SLC5A6: variants seen among roughly 807,000 people sequenced by gnomAD.
SLC5A6 encodes sodium-dependent multivitamin transporter.
SLC5A6 carries 31 observed loss-of-function variants against 67.9 expected under a neutral mutation model. The ratio of observed to expected loss-of-function variants is 0.46; its 90% CI spans 0.34 to 0.62. The LOEUF is 0.62. Among genes scored for constraint, SLC5A6 ranks in the 20% least tolerant of loss-of-function variants. The probability of loss-of-function intolerance (pLI) is 0.01; values close to 1 mark genes in which losing one functional copy is unlikely to be tolerated. For synonymous variants in SLC5A6, 343 were observed against 331.0 expected (o/e 1.04, Z -0.39); for missense variants, 673 against 812.8 (o/e 0.83, Z 2.09).
chr2:27,207,278 G>C lies in SLC5A6; in HGVS notation c.373C>G (p.His125Asp), dbSNP rs1419712776. 9 of 1,613,840 alleles carry C rather than the reference G, an allele frequency of 5.6e-6. No individual in the cohort carries two copies. The highest frequency in any genetic ancestry group is 1.3e-5 in the African/African-American group (1 of 74,934). Reference protein sequence around the residue: ...HIFIPVFYRLHLTSAYEYLEL... With the variant: ...HIFIPVFYRLDLTSAYEYLEL... ...CTCACCTCATAGGCACTGGTGAGAT[G>C]CAGGCGGTAGAAAACGGGGATGAAG... Residue 125 changes from histidine (H) to aspartate (D), a missense_variant, in exon 3 of 17, where the codon CAT (histidine) becomes GAT (aspartate). His to Asp is a moderately conservative substitution (Grantham distance 81). Transcript: ENST00000310574. This position sits in a 1 kb window ranked among gnomAD's most constrained non-coding sequence, Gnocchi z 5.5.
intron 2 of SLC5A6, among the ~76,000 whole-genome samples, chr2:27,210,901 G>A (rs1265473123): frequency 6.6e-6 from 1 of 152,166 alleles, no homozygotes; most frequent in Non-Finnish European, 1.5e-5. Flanking sequence ...GCAGGCGCCT[G>A]TAGTCCCAGC....
intron 3 of SLC5A6, 34 bp from the exon 4 acceptor site, chr2:27,206,976 C>A: frequency 6.5e-7 from 1 of 1,546,496 alleles, no homozygotes; most frequent in Non-Finnish European, 8.9e-7. Context: ...TTTCTCCTGA[C>A]TTCACCCCGA....
chr2:27,208,975 T>G (rs1442356141), intron 2 of SLC5A6, among the ~76,000 whole-genome samples: 1 of 152,256 alleles, frequency 6.6e-6, no homozygotes, highest in South Asian at 2.1e-4. Context: ...TTCTAACTCC[T>G]GCACAAGAAA....
chr2:27,204,686 C>A, intron 8 of SLC5A6, 96 bp from the exon 9 acceptor site: 1 of 1,589,538 alleles, frequency 6.3e-7, no homozygotes, highest in South Asian at 1.1e-5. Context: ...ACATCCTGAC[C>A]ACAGTGGATG....
At chr2:27,206,621 A>C in intron 4 of SLC5A6, 87 bp from the exon 5 acceptor site, 1 of 1,275,592 alleles carries the variant, frequency 7.8e-7, no homozygotes, top group Non-Finnish European at 1.1e-6. Context: ...CAATATGCCC[A>C]TGGCTTCCCC....
chr2:27,212,249 AG>A lies in SLC5A6; in HGVS notation c.-438del. The A allele has an allele frequency of 6.4e-7, 1 of 1,560,788 alleles. No homozygotes were observed. Among genetic ancestry groups the A allele is most frequent in the Non-Finnish European group, 8.7e-7 (1 of 1,153,006 alleles). ...CCACGAGCAGGAAAAGCCCCCAAGC[AG>A]CCCCAGGGCGACTGGACCGGGCCGC... On this transcript the variant is annotated 5_prime_UTR_variant, in exon 1 of 17. Transcript: ENST00000310574.
Position 27,206,043 on chromosome 2 carries a change from T to C in SLC5A6, c.562A>G (p.Thr188Ala). ...LSVLALGIVC[T>A]VYTALGGLKA... is the part of the protein sequence containing the mutation. The stretch of plus-strand genomic sequence containing the variant: ...GCACTTACCAGAGCTGTATAGACGG[T>C]ACAGACAATGCCCAGGGCCAGCACG... Residue 188 changes from threonine to alanine, a missense_variant, in exon 6 of 17, where the codon ACC becomes GCC. Physicochemically the swap from Thr to Ala is moderately conservative, Grantham distance 58. Coordinates refer to ENST00000310574, the MANE Select transcript of SLC5A6 (RefSeq NM_021095.4). 6.2e-7 allele frequency: 1 copy of C among 1,613,998 alleles called. No individual in the cohort carries two copies. Among genetic ancestry groups the C allele is most frequent in the Admixed American group, 1.7e-5 (1 of 60,020 alleles).
rs1361842200 is a variant in SLC5A6 at position 27,206,465 on chromosome 2, G to A, written c.511+18C>T. The A allele has an allele frequency of 1.9e-6, 3 of 1,613,020 alleles. No individual in the cohort carries two copies. Among genetic ancestry groups the A allele is most frequent in the East Asian group, 2.2e-5 (1 of 44,892 alleles). On this transcript the variant is annotated intron_variant, in intron 5 of 16. Transcript: ENST00000310574. The stretch of plus-strand genomic sequence containing the variant: ...TAACCTACCACGGCTGAAAGCCAGG[G>A]GCTGTGTGACTCCTCACCTGCATTG...
chr2:27,204,442 C>G lies in SLC5A6; in HGVS notation c.1005+19G>C. 1 of 1,604,690 alleles carries G rather than the reference C, an allele frequency of 6.2e-7. No homozygotes were observed. The highest frequency in any genetic ancestry group is 8.5e-7 in the Non-Finnish European group (1 of 1,174,626). ...GGGGCCAGGCCTGCCCTCATGGGAA[C>G]AGAACAGCGCCTTCTCACCTGGTCT... On this transcript the variant is annotated intron_variant, in intron 9 of 16. Transcript: ENST00000310574.
At chr2:27,206,576 T>C (rs370159656) in intron 4 of SLC5A6, 42 bp from the exon 5 acceptor site, 165 of 1,586,288 alleles carry the variant, frequency 1.0e-4, no homozygotes, top group Non-Finnish European at 1.3e-4. Context: ...CGGAGAATGG[T>C]GGGAAGAGAG....
Position 27,205,614 on chromosome 2 carries a change from C to CT in SLC5A6, c.580-111dup. On this transcript the variant is annotated intron_variant, in intron 6 of 16. Transcript: ENST00000310574. ...TTGTTTTGTTTTGTTTTGTTTTAGG[C>CT]TTTTTGCAGCCTGAAGCCAGTTTTT... is the stretch of plus-strand genomic sequence containing the variant. 17 of 1,349,080 alleles carry CT rather than the reference C, an allele frequency of 1.3e-5. No homozygotes were observed. The Middle Eastern group carries it at 5.5e-4, about 43-fold the overall frequency. The allele number at this position is 1,349,080 out of a possible 1,614,324, so 83.6% of individuals were successfully genotyped here.
rs563212359 is a variant in SLC5A6, at chr2:27,201,576, C to T, written c.1544+90G>A. The T allele has an allele frequency of 2.6e-5, 37 of 1,403,770 alleles. No individual in the cohort carries two copies. The Admixed American group carries it at 4.7e-4, about 18-fold the overall frequency. 87.0% of individuals were successfully genotyped at this position (1,403,770 alleles called of 1,614,324 possible). ...CCCAATACCCAACATTTCCCTGGGG[C>T]CTCTGGTGGCCCATCCCTTAGCAAG... On this transcript the variant is annotated intron_variant, in intron 14 of 16. Transcript: ENST00000310574.
Position 27,200,378 on chromosome 2 carries a change from G to A in SLC5A6, c.*58C>T, listed in dbSNP as rs1673524142. On this transcript the variant is annotated 3_prime_UTR_variant, in exon 17 of 17. Coordinates refer to ENST00000310574, the MANE Select transcript of SLC5A6 (RefSeq NM_021095.4). ...ACCAAGACTCATCCCTGTACTACAG[G>A]GTGGCCTCTGGCTATGGCCTGGCAC... The A allele has an allele frequency of 6.5e-7, 1 of 1,543,294 alleles. No homozygotes were observed. The highest frequency in any genetic ancestry group is 1.4e-5 in the African/African-American group (1 of 73,342).
In SLC5A6 at chr2:27,207,221, C is replaced by A; in HGVS notation, c.393+37G>T. 6.2e-7 allele frequency: 1 copy of A among 1,603,080 alleles called. No individual in the cohort carries two copies. Among genetic ancestry groups the A allele is most frequent in the Non-Finnish European group, 8.5e-7 (1 of 1,173,018 alleles). ...CCTGTCCCTCCTCTCCACCCCAACC[C>A]GTGTCCCACGCACTTCTCCCTTCTG... is the stretch of plus-strand genomic sequence containing the variant. On this transcript the variant is annotated intron_variant, in intron 3 of 16. Coordinates refer to ENST00000310574, the MANE Select transcript of SLC5A6 (RefSeq NM_021095.4). This position sits in a 1 kb window ranked among gnomAD's most constrained non-coding sequence, Gnocchi z 5.5.
At chr2:27,205,567 C>A in intron 6 of SLC5A6, 63 bp from the exon 7 acceptor site, 1 of 1,576,044 alleles carries the variant, frequency 6.3e-7, no homozygotes, top group African/African-American at 1.4e-5. Context: ...TCCAACCTGC[C>A]TTATTTTGTT....
At chr2:27,203,013 C>A in intron 11 of SLC5A6, 133 bp from the exon 12 acceptor site, 1 of 1,516,172 alleles carries the variant, frequency 6.6e-7, no homozygotes, top group East Asian at 2.3e-5. Flanking sequence ...ACATCACGCC[C>A]CAGCTTCCTC....
At position 27,207,433 on chromosome 2, in the gene SLC5A6, A is replaced by G; in HGVS notation, c.218T>C (p.Leu73Pro). ...DRKMGCLPVA[L>P]SLLATFQSAV... ...TGACTGGAAGGTGGCCAGCAGGGACAGTGCCACCGGAAGGCAGCCCATTTT... is the reference window on the plus strand; with the variant it reads ...TGACTGGAAGGTGGCCAGCAGGGACGGTGCCACCGGAAGGCAGCCCATTTT... The change falls in exon 3 of 17, where the codon CTG (leucine) becomes CCG (proline). Residue 73 changes from leucine (L) to proline (P), a missense_variant. Leu to Pro is a moderately conservative substitution (Grantham distance 98, BLOSUM62 -3). Transcript: ENST00000310574. This position sits in a 1 kb window ranked among gnomAD's most constrained non-coding sequence, Gnocchi z 5.5. 1 of 1,614,248 alleles carries G rather than the reference A, an allele frequency of 6.2e-7. No individual in the cohort carries two copies. The highest frequency in any genetic ancestry group is 8.5e-7 in the Non-Finnish European group (1 of 1,180,038).
intron 2 of SLC5A6, among the ~76,000 whole-genome samples, chr2:27,209,590 A>C (rs1164290003): frequency 6.6e-6 from 1 of 152,214 alleles, no homozygotes; most frequent in Non-Finnish European, 1.5e-5. Flanking sequence ...CCCTGTCCTC[A>C]CTATTCCCAG....
intron 2 of SLC5A6, among the ~76,000 whole-genome samples, chr2:27,209,400 T>C (rs572707758): frequency 1.3e-5 from 2 of 152,272 alleles, no homozygotes; most frequent in Admixed American, 6.5e-5. Context: ...ACATTAGTAA[T>C]AATACATAAT....
Sources: allele counts gnomAD v4.1 joint callset (sites outside exome capture counted in the v4.1 genomes callset), GRCh38; gene constraint gnomAD v4.1.1; non-coding constraint Gnocchi (gnomAD v3.1); transcripts MANE v1.5; gene names NCBI Gene and HGNC (gene_info 2026-07-23, HGNC 2026-07-21).